Variants in NECAB1 observed in about 807,000 individuals in gnomAD.
NECAB1 encodes N-terminal EF-hand calcium-binding protein 1.
In NECAB1, 29 loss-of-function variants were observed where a neutral mutation model predicts 57.5. That is an observed-to-expected ratio of 0.50 (90% CI 0.38 to 0.69). The LOEUF (loss-of-function observed/expected upper bound fraction) is 0.69. Ranked by LOEUF, NECAB1 falls within the 30% of genes least tolerant of loss-of-function variation. NECAB1 has a pLI of 0.00. For synonymous variants in NECAB1, 142 were observed against 147.7 expected, an observed-to-expected ratio of 0.96 and a Z score of 0.28; for missense variants, 372 against 413.8, an observed-to-expected ratio of 0.90 and a Z score of 0.88.
rs1811065441 is a variant in NECAB1, at chr8:90,958,097, T to TG, written c.*2585_*2586insG. Reference sequence around the variant, plus strand: ...CTGGAAGAAACCCTTTTTTTTTTTTTTTTTAAACAGTAACATCCAGAGTGA... The same window carrying TG: ...CTGGAAGAAACCCTTTTTTTTTTTTTGTTTTAAACAGTAACATCCAGAGTGA... On this transcript the variant is annotated 3_prime_UTR_variant, in exon 13 of 13. Coordinates refer to ENST00000417640, the MANE Select transcript of NECAB1 (RefSeq NM_022351.5). 1 of 150,822 alleles carries TG rather than the reference T, an allele frequency of 6.6e-6. No individual in the cohort carries two copies. Among genetic ancestry groups the TG allele is most frequent in the Non-Finnish European group, 1.5e-5 (1 of 67,398 alleles). The allele number at this position is 150,822 out of a possible 1,614,324, so 9.3% of individuals were successfully genotyped here.
chr8:90,846,958 C>T (rs1055282900), intron 3 of NECAB1, among the ~76,000 whole-genome samples: 3 of 152,088 alleles, frequency 2.0e-5, no homozygotes, highest in Admixed American at 1.3e-4. Context: ...TATCATTGTG[C>T]CCTGGCCCCT....
intron 2 of NECAB1, chr8:90,806,720 G>A (rs1396767069): frequency 6.6e-6 from 1 of 152,178 alleles, no homozygotes; most frequent in African/African-American, 2.4e-5. Context: ...CTGTGCCTCA[G>A]TTTCCGCATC....
rs566518971 is a variant in NECAB1 at position 90,838,623 on chromosome 8, G to A, written c.233+13798G>A. On this transcript the variant is annotated intron_variant, in intron 3 of 12. Coordinates refer to ENST00000417640, the MANE Select transcript of NECAB1 (RefSeq NM_022351.5). Reference sequence around the variant, plus strand: ...AACATAAGGTGCACATCTTTGGAGGGGTAAGAGAAAATCTGAGTATCTGGA... The same window carrying A: ...AACATAAGGTGCACATCTTTGGAGGAGTAAGAGAAAATCTGAGTATCTGGA... Among the ~76,000 whole-genome samples, 3 of 152,250 alleles carry A rather than the reference G, an allele frequency of 2.0e-5. No individual in the cohort carries two copies. The South Asian group carries it at 6.2e-4, about 32-fold the overall frequency.
At chr8:90,830,237 A>G (rs781507660) in intron 3 of NECAB1, among the ~76,000 whole-genome samples, 10 of 152,090 alleles carry the variant, frequency 6.6e-5, no homozygotes, top group Non-Finnish European at 1.2e-4. Flanking sequence ...CCAATAGTGG[A>G]CAAGAGAGAT....
intron 2 of NECAB1, among the ~76,000 whole-genome samples, chr8:90,804,191 TAAAAG>T (rs894859469): frequency 5.9e-5 from 9 of 152,210 alleles, no homozygotes; most frequent in African/African-American, 2.2e-4. Flanking sequence ...TATTCAGCCT[TAAAAG>T]AAAGAAGAAA....
chr8:90,837,980 G>A (rs530445115), intron 3 of NECAB1, among the ~76,000 whole-genome samples: 9 of 152,026 alleles, frequency 5.9e-5, no homozygotes, highest in South Asian at 2.1e-4. Context: ...TTTATTGTGC[G>A]TAGAGCTAAT....
intron 3 of NECAB1, among the ~76,000 whole-genome samples, chr8:90,866,927 A>G (rs771384626): frequency 6.6e-6 from 1 of 152,220 alleles, no homozygotes; most frequent in Non-Finnish European, 1.5e-5. Flanking sequence ...ATTGTAAATC[A>G]TTCTACTATA....
chr8:90,911,718 A>C (rs549013219), intron 5 of NECAB1, among the ~76,000 whole-genome samples: 1 of 152,330 alleles, frequency 6.6e-6, no homozygotes, highest in East Asian at 1.9e-4. Context: ...CACTAGCTAC[A>C]TATTTGTCCT....
chr8:90,805,986 C>T (rs909248922), intron 2 of NECAB1, among the ~76,000 whole-genome samples: 2 of 152,130 alleles, frequency 1.3e-5, no homozygotes, highest in Non-Finnish European at 2.9e-5. Context: ...TCTGCTTCTA[C>T]GAGTTCAACT....
chr8:90,840,678 G>A (rs1018061294), intron 3 of NECAB1, among the ~76,000 whole-genome samples: 1 of 152,156 alleles, frequency 6.6e-6, no homozygotes, highest in Admixed American at 6.5e-5. Flanking sequence ...AGCCAGGGGA[G>A]GTGATATGTC....
intron 4 of NECAB1, among the ~76,000 whole-genome samples, chr8:90,877,663 C>T (rs1406562909): frequency 1.3e-5 from 2 of 152,168 alleles, no homozygotes; most frequent in Non-Finnish European, 2.9e-5. Flanking sequence ...TGCTGGTCCA[C>T]AAAACAAACT....
chr8:90,934,419 C>A, intron 9 of NECAB1, 62 bp downstream of exon 9: 1 of 1,137,302 alleles, frequency 8.8e-7, no homozygotes, highest in Non-Finnish European at 1.2e-6. Flanking sequence ...AATTTAATTT[C>A]TTCAAAAATT....
intron 5 of NECAB1, among the ~76,000 whole-genome samples, chr8:90,889,173 C>T (rs1469464404): frequency 6.6e-6 from 1 of 152,156 alleles, no homozygotes; most frequent in East Asian, 1.9e-4. Flanking sequence ...ACATAGCTAA[C>T]ATCTATGGAG....
chr8:90,851,023 C>T (rs953033675), intron 3 of NECAB1, among the ~76,000 whole-genome samples: 2 of 152,162 alleles, frequency 1.3e-5, no homozygotes, highest in Non-Finnish European at 2.9e-5. Context: ...TAGAGATTGA[C>T]TCAGTCACCA....
chr8:90,926,002 C>T lies in NECAB1; in HGVS notation c.616+346C>T, dbSNP rs942466765. On this transcript the variant is annotated intron_variant, in intron 7 of 12. Transcript: ENST00000417640. The stretch of plus-strand genomic sequence containing the variant: ...TCTACCCTAATATGCTCTAGATCTC[C>T]AAGCCTCCCTAAGCCTATCCTAAGT... 6.6e-5 allele frequency among the ~76,000 whole-genome samples: 10 copies of T among 152,288 alleles called. No homozygotes were observed. The Middle Eastern group carries it at 0.01, about 155-fold the overall frequency.
chr8:90,955,427 G>T (rs1322956313), intron 12 of NECAB1, 60 bp from the exon 13 acceptor site: 5 of 1,260,108 alleles, frequency 4.0e-6, no homozygotes, highest in African/African-American at 3.0e-5. Flanking sequence ...TTTGCACCTT[G>T]AATGTTCTTT....
In NECAB1 at chr8:90,957,216, A is replaced by G. The variant is rs984331437; in HGVS notation, c.*1704A>G. On this transcript the variant is annotated 3_prime_UTR_variant, in exon 13 of 13. Transcript: ENST00000417640. ...GACTTTAAAACCTAAATGACTTTTG[A>G]CATACAAACTCTTCTTGAGAATGTT... 6 of 152,006 alleles carry G rather than the reference A, an allele frequency of 3.9e-5. No homozygotes were observed. Among genetic ancestry groups the G allele is most frequent in the African/African-American group, 1.4e-4 (6 of 41,420 alleles). The allele number at this position is 152,006 out of a possible 1,614,324, so 9.4% of individuals were successfully genotyped here. A position where few individuals can be genotyped will look rare whatever the true frequency, so the allele number is the denominator to read the frequency against.
rs533727734 is a variant in NECAB1 at position 90,860,315 on chromosome 8, G to A, written c.234-11813G>A. Among the ~76,000 whole-genome samples the A allele has an allele frequency of 4.7e-5, 7 of 147,730 alleles. No individual in the cohort carries two copies. In the South Asian group the frequency reaches 6.4e-4, roughly 13 times the overall value. ...GAGGATCACTGCACAATGACTCATC[G>A]CTATTCCTGGTACACTCCTAACTCC... On this transcript the variant is annotated intron_variant, in intron 3 of 12. Transcript: ENST00000417640.
chr8:90,952,614 T>C (rs1810943644), intron 12 of NECAB1, among the ~76,000 whole-genome samples: 1 of 151,788 alleles, frequency 6.6e-6, no homozygotes, highest in Non-Finnish European at 1.5e-5. Context: ...CCACCTCTAC[T>C]AAAAATACAA....
Sources: allele counts gnomAD v4.1 joint callset (sites outside exome capture counted in the v4.1 genomes callset), GRCh38; gene constraint gnomAD v4.1.1; transcripts MANE v1.5; gene names NCBI Gene and HGNC (gene_info 2026-07-23, HGNC 2026-07-21).